NCKAP1: variants seen among roughly 807,000 people sequenced by gnomAD.
NCKAP1 encodes the protein nck-associated protein 1.
NCKAP1 carries 21 observed loss-of-function variants against 151.2 expected under a neutral mutation model. The ratio of observed to expected loss-of-function variants is 0.14; its 90% CI spans 0.10 to 0.20. The LOEUF is 0.20. Among genes scored for constraint, NCKAP1 ranks in the 10% least tolerant of loss-of-function variants. NCKAP1 has a pLI of 1.00. For synonymous variants in NCKAP1, 484 were observed against 451.8 expected, an observed-to-expected ratio of 1.07 and a Z score of -0.90; for missense variants, 933 against 1,352.1, an observed-to-expected ratio of 0.69 and a Z score of 4.86.
chr2:182,929,750 G>A (rs1361415218), intron 27 of NCKAP1, among the ~76,000 whole-genome samples: 1 of 143,804 alleles, frequency 7.0e-6, no homozygotes, highest in African/African-American at 2.7e-5. Flanking sequence ...AAACAAAATT[G>A]CATTGTTAAA....
rs774881054 is a variant in NCKAP1, at chr2:183,023,796, G to T, written c.219+10C>A. The T allele has an allele frequency of 3.1e-5, 49 of 1,589,842 alleles. No individual in the cohort carries two copies. Among genetic ancestry groups the T allele is most frequent in the Non-Finnish European group, 4.1e-5 (47 of 1,158,912 alleles). On this transcript the variant is annotated intron_variant, in intron 2 of 30. Transcript: ENST00000361354. Reference sequence around the variant, plus strand: ...TAAAATTAAGCAATAGAAAAATTTAGATAACTTACATTGTTGTTGCGGGTT... The same window carrying T: ...TAAAATTAAGCAATAGAAAAATTTATATAACTTACATTGTTGTTGCGGGTT...
chr2:182,990,502 T>G (rs1171585254), intron 8 of NCKAP1, among the ~76,000 whole-genome samples: 1 of 152,236 alleles, frequency 6.6e-6, no homozygotes, highest in Admixed American at 6.5e-5. Flanking sequence ...CTTTTTTACC[T>G]TTTGTTATCT....
At chr2:183,009,715 C>T (rs1226447300) in intron 2 of NCKAP1, among the ~76,000 whole-genome samples, 1 of 152,176 alleles carries the variant, frequency 6.6e-6, no homozygotes, top group African/African-American at 2.4e-5. Flanking sequence ...GTGCAACCAT[C>T]AGCACCATCC....
intron 1 of NCKAP1, among the ~76,000 whole-genome samples, chr2:183,028,040 G>C (rs1448999803): frequency 6.6e-6 from 1 of 152,012 alleles, no homozygotes; most frequent in Non-Finnish European, 1.5e-5. Flanking sequence ...AGGCTTACCA[G>C]AAAGACGTAA....
In NCKAP1 at chr2:182,924,749, A is replaced by G. The variant is rs1367376144; in HGVS notation, c.*953T>C. ...GTTTTTTAAAACATTTAAACAAATC[A>G]TATAATAGCTGACCTGGTATCGAAT... On this transcript the variant is annotated 3_prime_UTR_variant, in exon 31 of 31. Transcript: ENST00000361354. 6.6e-6 allele frequency: 1 copy of G among 152,148 alleles called. No individual in the cohort carries two copies. The highest frequency in any genetic ancestry group is 2.4e-5 in the African/African-American group (1 of 41,446). The allele number at this position is 152,148 out of a possible 1,614,324, so 9.4% of individuals were successfully genotyped here. A position where few individuals can be genotyped will look rare whatever the true frequency, so the allele number is the denominator to read the frequency against.
chr2:183,028,936 A>AC (rs1160120169), intron 1 of NCKAP1, among the ~76,000 whole-genome samples: 1 of 133,388 alleles, frequency 7.5e-6, no homozygotes, highest in Non-Finnish European at 1.6e-5. Context: ...ACACGGTGAA[A>AC]CCCCGTTTCT....
At chr2:183,030,276 C>T (rs1288832962) in intron 1 of NCKAP1, among the ~76,000 whole-genome samples, 3 of 152,196 alleles carry the variant, frequency 2.0e-5, no homozygotes, top group Admixed American at 6.5e-5. Context: ...CCTTCTGCCT[C>T]AGCCTCCTAA....
Position 183,038,116 on chromosome 2 carries a change from C to G in NCKAP1, c.-17G>C, listed in dbSNP as rs2105905763. ...GCGCGACATGGTGGTGCTGGTGCCGCCGCCGCCGCCGGCCGCCTCGCGCCC... is the reference window on the plus strand; with the variant it reads ...GCGCGACATGGTGGTGCTGGTGCCGGCGCCGCCGCCGGCCGCCTCGCGCCC... On this transcript the variant is annotated 5_prime_UTR_variant, in exon 1 of 31. Coordinates refer to ENST00000361354, the MANE Select transcript of NCKAP1 (RefSeq NM_013436.5). The G allele has an allele frequency of 6.5e-7, 1 of 1,527,906 alleles. No homozygotes were observed. Among genetic ancestry groups the G allele is most frequent in the Non-Finnish European group, 8.7e-7 (1 of 1,146,428 alleles). The allele number at this position is 1,527,906 out of a possible 1,614,324, so 94.6% of individuals were successfully genotyped here.
Position 182,925,725 on chromosome 2 carries a change from G to C in NCKAP1, c.3364C>G (p.Gln1122Glu). ...LRNAYHAVYK[Q>E]SVTSSA The stretch of plus-strand genomic sequence containing the variant: ...TTTTATGCAGAAGATGTAACACTTT[G>C]TTTGTAGACAGCATGGTATGCATTT... Residue 1122 changes from glutamine (Q) to glutamate (E), a missense_variant, in exon 31 of 31, where the codon CAA becomes GAA. Coordinates refer to ENST00000361354, the MANE Select transcript of NCKAP1 (RefSeq NM_013436.5). 1 of 1,570,942 alleles carries C rather than the reference G, an allele frequency of 6.4e-7. No individual in the cohort carries two copies.
rs557594248 is a variant in NCKAP1 at position 182,927,652 on chromosome 2, T to C, written c.3180+465A>G. 1.5e-4 allele frequency among the ~76,000 whole-genome samples: 23 copies of C among 152,182 alleles called. 1 individual carries two copies. The South Asian group carries it at 4.8e-3, about 32-fold the overall frequency. Reference sequence around the variant, plus strand: ...AGTGAGTAGTATTTTTAATGATGAATTTTTCACCATTAATTGTCTTTCTCC... The same window carrying C: ...AGTGAGTAGTATTTTTAATGATGAACTTTTCACCATTAATTGTCTTTCTCC... On this transcript the variant is annotated intron_variant, in intron 29 of 30. Transcript: ENST00000361354.
At chr2:183,012,756 T>A (rs1476906482) in intron 2 of NCKAP1, among the ~76,000 whole-genome samples, 1 of 149,974 alleles carries the variant, frequency 6.7e-6, no homozygotes, top group Non-Finnish European at 1.5e-5. Flanking sequence ...TGGGAAAACA[T>A]GCGCACGCCA....
At chr2:183,005,600 C>T (rs1698456747) in intron 2 of NCKAP1, among the ~76,000 whole-genome samples, 1 of 152,030 alleles carries the variant, frequency 6.6e-6, no homozygotes, top group Non-Finnish European at 1.5e-5. Flanking sequence ...TTTATTTCCC[C>T]CAAAGCCATA....
intron 14 of NCKAP1, among the ~76,000 whole-genome samples, chr2:182,977,494 A>T (rs1697849726): frequency 6.6e-6 from 1 of 152,190 alleles, no homozygotes; most frequent in Non-Finnish European, 1.5e-5. Context: ...GGTCTCAAAA[A>T]TAAAATAAAT....
chr2:182,980,068 T>G (rs1340002679), intron 13 of NCKAP1, among the ~76,000 whole-genome samples: 2 of 152,142 alleles, frequency 1.3e-5, no homozygotes, highest in African/African-American at 4.8e-5. Context: ...AATTCTGGTT[T>G]ACTTTTTAAA....
Position 182,953,143 on chromosome 2 carries a change from T to G in NCKAP1, c.2342A>C (p.Glu781Ala). Residue 781 changes from glutamate (E) to alanine (A), a missense_variant, in exon 21 of 31, where the codon GAG (glutamate) becomes GCG (alanine). Transcript: ENST00000361354. ...QQTQHLDSHG[E>A]PTITSLYTNW... Reference sequence around the variant, plus strand: ...TGTGTATAGACTTGTAATGGTTGGCTCTCCATGACTGTCTAAATGTTGTGT... The same window carrying G: ...TGTGTATAGACTTGTAATGGTTGGCGCTCCATGACTGTCTAAATGTTGTGT... 2.5e-6 allele frequency: 4 copies of G among 1,612,532 alleles called. No individual in the cohort carries two copies. Among genetic ancestry groups the G allele is most frequent in the Non-Finnish European group, 3.4e-6 (4 of 1,179,300 alleles).
In NCKAP1 at chr2:183,037,974, TC is replaced by T. The variant is rs1249241476; in HGVS notation, c.108+17del. Reference sequence around the variant, plus strand: ...GGGCCCGCCCGCCTCCGCCGCGGCCTCCCCGGCCCGTGCGCACCTTCTTGAT... The same window carrying T: ...GGGCCCGCCCGCCTCCGCCGCGGCCTCCCGGCCCGTGCGCACCTTCTTGAT... On this transcript the variant is annotated intron_variant, in intron 1 of 30. Transcript: ENST00000361354. 1.9e-6 allele frequency: 3 copies of T among 1,564,178 alleles called. No individual in the cohort carries two copies. Among genetic ancestry groups the T allele is most frequent in the East Asian group, 2.4e-5 (1 of 40,960 alleles).
At chr2:182,981,138 C>A in intron 13 of NCKAP1, 106 bp downstream of exon 13, 1 of 1,359,910 alleles carries the variant, frequency 7.4e-7, no homozygotes, top group Non-Finnish European at 1.0e-6. Flanking sequence ...CATGATTTAT[C>A]ACTTGGCACA....
chr2:183,029,760 C>G (rs1346957702), intron 1 of NCKAP1, among the ~76,000 whole-genome samples: 2 of 136,306 alleles, frequency 1.5e-5, no homozygotes, highest in African/African-American at 5.7e-5. Flanking sequence ...GTTGAGTCTA[C>G]AGTGAGCCCT....
chr2:183,025,085 A>T, intron 1 of NCKAP1: 2 of 1,148,132 alleles, frequency 1.7e-6, no homozygotes, highest in South Asian at 2.7e-5. Flanking sequence ...AAACTTATGC[A>T]CTGCAGACTA....
Sources: gnomAD v4.1 joint callset for allele counts (sites outside exome capture counted in the v4.1 genomes callset) on GRCh38, gnomAD v4.1.1 for gene constraint, MANE v1.5 for transcripts, NCBI Gene and HGNC (gene_info 2026-07-23, HGNC 2026-07-21) for gene names.